Variants in KIAA0825 observed in about 807,000 individuals in gnomAD.
KIAA0825 encodes KIAA0825, also known as uncharacterized protein KIAA0825.
Under a neutral mutation model 147.6 loss-of-function variants are expected in KIAA0825, and 119 were observed. That is an observed-to-expected ratio of 0.81 (90% confidence interval 0.69 to 0.94). KIAA0825 has a LOEUF of 0.94. Among genes scored for constraint, KIAA0825 ranks in the 40% least tolerant of loss-of-function variants. The pLI, the probability that KIAA0825 is intolerant of heterozygous loss-of-function variation, is 0.00. For missense variants in KIAA0825, 1,381 were observed against 1,472.7 expected (o/e 0.94, Z 1.02); for synonymous variants, 470 against 518.1 (o/e 0.91, Z 1.26).
At chr5:94,205,300 T>TATATATA (rs1554242872) in intron 20 of KIAA0825, among the ~76,000 whole-genome samples, 38 of 133,874 alleles carry the variant, frequency 2.8e-4, no homozygotes, top group African/African-American at 3.1e-4. Flanking sequence ...TATATATATA[T>TATATATA]TTTGTTTTGT....
intron 7 of KIAA0825, among the ~76,000 whole-genome samples, 168 bp from the exon 8 acceptor site, chr5:94,473,687 A>G (rs1430618403): frequency 6.6e-6 from 1 of 152,228 alleles, no homozygotes; most frequent in Non-Finnish European, 1.5e-5. Flanking sequence ...TGAATAAAGC[A>G]ATATACAAAA....
At chr5:94,211,080 A>G (rs1324521058) in intron 20 of KIAA0825, among the ~76,000 whole-genome samples, 4 of 152,098 alleles carry the variant, frequency 2.6e-5, no homozygotes, top group Admixed American at 2.0e-4. Context: ...CCTGGCTTAT[A>G]TTTTCTCTGG....
intron 18 of KIAA0825, among the ~76,000 whole-genome samples, chr5:94,390,218 G>A (rs1040361926): frequency 6.6e-6 from 1 of 152,150 alleles, no homozygotes; most frequent in Non-Finnish European, 1.5e-5. Context: ...AAATAGGACC[G>A]TTCTATCAGT....
chr5:94,361,708 C>T (rs1745084324), intron 20 of KIAA0825, among the ~76,000 whole-genome samples: 1 of 152,142 alleles, frequency 6.6e-6, no homozygotes, highest in Non-Finnish European at 1.5e-5. Flanking sequence ...GTCCTAAAAT[C>T]ACTGTTAGAT....
chr5:94,270,199 A>G (rs1442868865), intron 20 of KIAA0825, among the ~76,000 whole-genome samples: 1 of 152,140 alleles, frequency 6.6e-6, no homozygotes, highest in African/African-American at 2.4e-5. Flanking sequence ...CAAATTATAC[A>G]GTAGAACTAT....
chr5:94,180,714 T>C (rs574376216), intron 20 of KIAA0825, among the ~76,000 whole-genome samples: 128 of 152,272 alleles, frequency 8.4e-4, no homozygotes, highest in African/African-American at 3.0e-3. Flanking sequence ...CTTTATTTTT[T>C]ATCTGCCTGA....
At chr5:94,162,610 G>A (rs1767686440) in intron 20 of KIAA0825, among the ~76,000 whole-genome samples, 1 of 152,122 alleles carries the variant, frequency 6.6e-6, no homozygotes, top group African/African-American at 2.4e-5. Context: ...GCTATTTAAT[G>A]ATCACAGAAT....
At chr5:94,608,441 A>ATGTGTGTGTATATGTGTG (rs1449664800) in intron 1 of KIAA0825, among the ~76,000 whole-genome samples, 5 of 37,980 alleles carry the variant, frequency 1.3e-4, no homozygotes, top group African/African-American at 7.0e-4. Context: ...TTGTGTGTGT[A>ATGTGTGTGTATATGTGTG]TGTGTGTGTG....
At chr5:94,297,861 G>A (rs1778206524) in intron 20 of KIAA0825, among the ~76,000 whole-genome samples, 1 of 150,876 alleles carries the variant, frequency 6.6e-6, no homozygotes, top group Non-Finnish European at 1.5e-5. Flanking sequence ...CTCCCAAAGT[G>A]CTGGGATTAC....
intron 20 of KIAA0825, among the ~76,000 whole-genome samples, chr5:94,361,939 G>A (rs989333376): frequency 6.6e-6 from 1 of 152,182 alleles, no homozygotes; most frequent in African/African-American, 2.4e-5. Context: ...CTGAAGAACA[G>A]TGTGTGCAGA....
At chr5:94,361,288 C>T (rs534404818) in intron 20 of KIAA0825, among the ~76,000 whole-genome samples, 236 of 152,238 alleles carry the variant, frequency 1.6e-3, no homozygotes, top group African/African-American at 5.1e-3. Context: ...GCAGGGCTCC[C>T]ATTTCGTGCA....
At chr5:94,214,502 G>A (rs1456293056) in intron 20 of KIAA0825, among the ~76,000 whole-genome samples, 1 of 152,026 alleles carries the variant, frequency 6.6e-6, no homozygotes, top group Non-Finnish European at 1.5e-5. Context: ...AATACCTGAA[G>A]TGTTCGACTG....
At chr5:94,562,687 A>G (rs929088954) in intron 2 of KIAA0825, among the ~76,000 whole-genome samples, 1 of 152,234 alleles carries the variant, frequency 6.6e-6, no homozygotes, top group Non-Finnish European at 1.5e-5. Flanking sequence ...AATTTTAACT[A>G]AACCTGCCAG....
At chr5:94,249,994 A>G (rs1007702746) in intron 20 of KIAA0825, among the ~76,000 whole-genome samples, 3 of 152,068 alleles carry the variant, frequency 2.0e-5, no homozygotes, top group Non-Finnish European at 2.9e-5. Context: ...AAACTAGATT[A>G]TTTACAAGAT....
At chr5:94,355,679 A>G (rs1213572975) in intron 20 of KIAA0825, among the ~76,000 whole-genome samples, 2 of 152,190 alleles carry the variant, frequency 1.3e-5, no homozygotes, top group Admixed American at 6.5e-5. Context: ...TACTAAATAG[A>G]TGATTTGGTA....
rs1026880655 is a variant in KIAA0825 at position 94,417,293 on chromosome 5, T to A, written c.2570A>T (p.Tyr857Phe). The A allele has an allele frequency of 6.1e-5, 95 of 1,550,684 alleles. No homozygotes were observed. Among genetic ancestry groups the A allele is most frequent in the Non-Finnish European group, 7.5e-5 (86 of 1,146,400 alleles). Residue 857 changes from tyrosine (Y) to phenylalanine (F), a missense_variant, in exon 15 of 21, where the codon TAC (tyrosine) becomes TTC (phenylalanine). Tyr to Phe is a conservative substitution (Grantham distance 22). Coordinates refer to ENST00000682413, the MANE Select transcript of KIAA0825 (RefSeq NM_001145678.3). ...TGTTTGTGGAGAAAAACTGCAATGGTACAATATTTTAAAGATGGCTTCCAT... is the reference window on the plus strand; with the variant it reads ...TGTTTGTGGAGAAAAACTGCAATGGAACAATATTTTAAAGATGGCTTCCAT... Reference protein sequence around the residue: ...SLMEAIFKILYHCSFSPQTFA... With the variant: ...SLMEAIFKILFHCSFSPQTFA...
At chr5:94,583,020 A>T (rs976634649) in intron 1 of KIAA0825, among the ~76,000 whole-genome samples, 1 of 152,174 alleles carries the variant, frequency 6.6e-6, no homozygotes, top group African/African-American at 2.4e-5. Context: ...CTTCTGGGTG[A>T]TCCTGTTAAA....
intron 20 of KIAA0825, among the ~76,000 whole-genome samples, chr5:94,182,397 T>TTACAGGCAC (rs1183063287): frequency 6.6e-6 from 1 of 151,176 alleles, no homozygotes; most frequent in Non-Finnish European, 1.5e-5. Context: ...GTAGCTGGGA[T>TTACAGGCAC]TACAGGCACA....
intron 20 of KIAA0825, among the ~76,000 whole-genome samples, chr5:94,243,721 A>C (rs1298803337): frequency 6.6e-6 from 1 of 151,950 alleles, no homozygotes; most frequent in Non-Finnish European, 1.5e-5. Context: ...CCTCATACTC[A>C]TCCCTCCCTT....
Sources: gnomAD v4.1 joint callset for allele counts (sites outside exome capture counted in the v4.1 genomes callset) on GRCh38, gnomAD v4.1.1 for gene constraint, MANE v1.5 for transcripts, NCBI Gene and HGNC (gene_info 2026-07-23, HGNC 2026-07-21) for gene names.